ARMC8: variants seen among roughly 807,000 people sequenced by gnomAD.
The protein encoded by ARMC8 is armadillo repeat containing 8, also known as armadillo repeat-containing protein 8.
ARMC8 carries 20 observed loss-of-function variants against 99.3 expected under a neutral mutation model. The observed-to-expected ratio is 0.20, with a 90% CI of 0.14 to 0.29. The LOEUF (loss-of-function observed/expected upper bound fraction) is 0.29, where lower values mean the gene tolerates loss of function less well. Among genes scored for constraint, ARMC8 ranks in the 10% least tolerant of loss-of-function variants. The pLI is 1.00. For missense variants in ARMC8, 569 were observed against 809.5 expected, an observed-to-expected ratio of 0.70 and a Z score of 3.60; for synonymous variants, 263 against 278.3, an observed-to-expected ratio of 0.95 and a Z score of 0.55.
At chr3:138,249,374 C>T (rs2047025293) in intron 12 of ARMC8, among the ~76,000 whole-genome samples, 1 of 151,424 alleles carries the variant, frequency 6.6e-6, no homozygotes, top group Non-Finnish European at 1.5e-5. Flanking sequence ...ATCCTGAGGG[C>T]TTGTCTTCTG....
intron 1 of ARMC8, among the ~76,000 whole-genome samples, chr3:138,208,649 C>T (rs956710814): frequency 6.6e-6 from 1 of 152,028 alleles, no homozygotes. Flanking sequence ...TTCTTCCTCC[C>T]TATAAGAACT....
chr3:138,220,015 G>A (rs2045303849), intron 2 of ARMC8, among the ~76,000 whole-genome samples: 1 of 152,170 alleles, frequency 6.6e-6, no homozygotes, highest in African/African-American at 2.4e-5. Flanking sequence ...GGAATAGAAA[G>A]CATTCAGAAT....
chr3:138,201,398 T>G (rs1209194561), intron 1 of ARMC8, among the ~76,000 whole-genome samples: 1 of 150,576 alleles, frequency 6.6e-6, no homozygotes, highest in Non-Finnish European at 1.5e-5. Flanking sequence ...TTGCATATGT[T>G]GTGCTCTCTA....
chr3:138,207,480 T>C (rs1271627746), intron 1 of ARMC8, among the ~76,000 whole-genome samples: 7 of 152,184 alleles, frequency 4.6e-5, no homozygotes, highest in Admixed American at 6.5e-5. Context: ...TATGTTAAGA[T>C]ACACATCATT....
intron 12 of ARMC8, among the ~76,000 whole-genome samples, chr3:138,250,752 A>C (rs187723459): frequency 1.3e-4 from 20 of 152,316 alleles, no homozygotes; most frequent in African/African-American, 3.8e-4. Flanking sequence ...ATATGTTCAC[A>C]TTTTGAACCA....
chr3:138,211,309 A>G (rs1341407446), intron 2 of ARMC8, among the ~76,000 whole-genome samples: 4 of 152,220 alleles, frequency 2.6e-5, no homozygotes, highest in African/African-American at 7.2e-5. Context: ...TGTTCAATAA[A>G]TGGTATTAAA....
At chr3:138,242,440 G>C (rs2046672048) in intron 11 of ARMC8, among the ~76,000 whole-genome samples, 1 of 152,038 alleles carries the variant, frequency 6.6e-6, no homozygotes, top group Non-Finnish European at 1.5e-5. Flanking sequence ...GTTTCATACT[G>C]TGCTTTGGGC....
chr3:138,227,532 C>T (rs2045756773), intron 5 of ARMC8, among the ~76,000 whole-genome samples: 1 of 152,226 alleles, frequency 6.6e-6, no homozygotes, highest in African/African-American at 2.4e-5. Flanking sequence ...CTTGTGTAAA[C>T]ACAAAGGGTT....
intron 10 of ARMC8, among the ~76,000 whole-genome samples, chr3:138,239,786 G>A (rs1334398094): frequency 6.6e-6 from 1 of 152,164 alleles, no homozygotes; most frequent in East Asian, 1.9e-4. Flanking sequence ...TTAGGAGGAT[G>A]TGGAAATTGT....
chr3:138,264,062 G>A (rs1253175991), intron 13 of ARMC8, 69 bp from the exon 14 acceptor site: 1 of 1,416,924 alleles, frequency 7.1e-7, no homozygotes, highest in East Asian at 2.3e-5. Flanking sequence ...ATTGTAAAAT[G>A]CCAGCCAGTT....
At position 138,229,085 on chromosome 3, in the gene ARMC8, C is replaced by T. The variant is rs2045844469; in HGVS notation, c.528+75C>T. ...TTAAGAGATGTACCTTCTTTGTGTACCCTCCCAGGGGTAGTCATACATATA... is the reference window on the plus strand; with the variant it reads ...TTAAGAGATGTACCTTCTTTGTGTATCCTCCCAGGGGTAGTCATACATATA... On this transcript the variant is annotated intron_variant, in intron 6 of 21. Coordinates refer to ENST00000469044, the MANE Select transcript of ARMC8 (RefSeq NM_001363941.2). 4 of 921,044 alleles carry T rather than the reference C, an allele frequency of 4.3e-6. No homozygotes were observed. The African/African-American group carries it at 5.4e-5, about 12-fold the overall frequency. 57.1% of individuals were successfully genotyped at this position (921,044 alleles called of 1,614,324 possible).
At chr3:138,251,517 G>T (rs2108214430) in intron 12 of ARMC8, among the ~76,000 whole-genome samples, 1 of 152,234 alleles carries the variant, frequency 6.6e-6, no homozygotes, top group African/African-American at 2.4e-5. Context: ...ATAATTCCTT[G>T]CCTCAAACTG....
At chr3:138,238,734 G>T (rs2046457696) in intron 9 of ARMC8, 1 of 152,148 alleles carries the variant, frequency 6.6e-6, no homozygotes, top group Non-Finnish European at 1.5e-5. Context: ...TAAGTAAAAT[G>T]ATTTTACCTG....
intron 1 of ARMC8, among the ~76,000 whole-genome samples, chr3:138,189,965 C>G (rs1263859496): frequency 6.6e-6 from 1 of 152,318 alleles, no homozygotes; most frequent in African/African-American, 2.4e-5. Context: ...GATTCTTCCT[C>G]CTTTCATCCC....
intron 2 of ARMC8, among the ~76,000 whole-genome samples, chr3:138,219,356 T>G (rs1297185354): frequency 6.6e-6 from 1 of 152,202 alleles, no homozygotes; most frequent in Non-Finnish European, 1.5e-5. Flanking sequence ...CAGATTGGCT[T>G]TCTTGCCTCT....
In ARMC8 at chr3:138,241,983, G is replaced by A; in HGVS notation, c.1038G>A (p.Arg346=). 1 of 1,613,178 alleles carries A rather than the reference G, an allele frequency of 6.2e-7. No homozygotes were observed. Among genetic ancestry groups the A allele is most frequent in the Non-Finnish European group, 8.5e-7 (1 of 1,179,494 alleles). ...TGAGTGCCATCACTGATATTAAAAG[G>A]GTATGTTATTTTCCTTTTTTAGCAG... ...SSVSAITDIK[R]LDHDLKHAHE... Residue 346 remains arginine (R), a splice_region_variant and synonymous_variant, in exon 11 of 22, where the codon AGG becomes AGA. Coordinates refer to ENST00000469044, the MANE Select transcript of ARMC8 (RefSeq NM_001363941.2).
At position 138,204,269 on chromosome 3, in the gene ARMC8, C is replaced by G. The variant is rs538887184; in HGVS notation, c.46-5548C>G. On this transcript the variant is annotated intron_variant, in intron 1 of 21. Coordinates refer to ENST00000469044, the MANE Select transcript of ARMC8 (RefSeq NM_001363941.2). ...CCACTACACCTGGCTATAATTCCCT[C>G]TTGTTATTGTACTTACACATGCTCT... 3.9e-5 allele frequency among the ~76,000 whole-genome samples: 6 copies of G among 152,252 alleles called. No individual in the cohort carries two copies. The East Asian group carries it at 1.2e-3, about 29-fold the overall frequency.
At chr3:138,226,105 G>A (rs2045682349) in intron 5 of ARMC8, among the ~76,000 whole-genome samples, 1 of 152,146 alleles carries the variant, frequency 6.6e-6, no homozygotes, top group Non-Finnish European at 1.5e-5. Context: ...CAATTCTCCT[G>A]CCTTAGCCTC....
intron 1 of ARMC8, among the ~76,000 whole-genome samples, chr3:138,191,758 T>C (rs1016187666): frequency 6.6e-6 from 1 of 152,248 alleles, no homozygotes; most frequent in African/African-American, 2.4e-5. Context: ...AATCATACAG[T>C]ATGTGACTTT....
Sources: allele counts gnomAD v4.1 joint callset (sites outside exome capture counted in the v4.1 genomes callset), GRCh38; gene constraint gnomAD v4.1.1; transcripts MANE v1.5; gene names NCBI Gene and HGNC (gene_info 2026-07-23, HGNC 2026-07-21).